The following TBC1D22A variants were observed in gnomAD, a reference collection of about 807,000 sequenced individuals.
TBC1D22A encodes putative GTPase activator.
In TBC1D22A, 38 loss-of-function variants were observed where a neutral mutation model predicts 60.2. The ratio of observed to expected loss-of-function variants is 0.63; its 90% confidence interval spans 0.49 to 0.83. The LOEUF is 0.83. Ranked by LOEUF, TBC1D22A falls within the 40% of genes least tolerant of loss-of-function variation. TBC1D22A has a pLI of 0.00. For missense variants in TBC1D22A, 628 were observed against 701.0 expected (o/e 0.90, Z 1.18); for synonymous variants, 302 against 281.7 (o/e 1.07, Z -0.72).
intron 10 of TBC1D22A, among the ~76,000 whole-genome samples, chr22:47,031,632 T>C (rs1422796029): frequency 6.6e-6 from 1 of 151,614 alleles, no homozygotes; most frequent in Non-Finnish European, 1.5e-5. Flanking sequence ...TGTGGGGTCG[T>C]TTCAAGGGGA....
chr22:47,067,754 G>A (rs1005953905), intron 11 of TBC1D22A, among the ~76,000 whole-genome samples: 3 of 152,244 alleles, frequency 2.0e-5, no homozygotes, highest in African/African-American at 4.8e-5. Context: ...AAGACCACGA[G>A]TGTGCGTGCA....
At chr22:47,031,283 G>C (rs968937513) in intron 10 of TBC1D22A, among the ~76,000 whole-genome samples, 4 of 152,216 alleles carry the variant, frequency 2.6e-5, no homozygotes, top group Non-Finnish European at 4.4e-5. Context: ...CTTGGAGCCC[G>C]AAGGCTGGAT....
intron 4 of TBC1D22A, among the ~76,000 whole-genome samples, chr22:46,839,636 AAAG>A (rs1376292015): frequency 6.6e-6 from 1 of 152,218 alleles, no homozygotes; most frequent in Non-Finnish European, 1.5e-5. Context: ...CCAAATAGCC[AAAG>A]TAGTCTTGAG....
chr22:47,026,742 G>C (rs1275854178), intron 10 of TBC1D22A, among the ~76,000 whole-genome samples: 1 of 152,196 alleles, frequency 6.6e-6, no homozygotes, highest in East Asian at 1.9e-4. Flanking sequence ...AAACAATGCT[G>C]AGAGAAATGA....
At chr22:46,847,605 G>A (rs2087063048) in intron 4 of TBC1D22A, among the ~76,000 whole-genome samples, 1 of 152,176 alleles carries the variant, frequency 6.6e-6, no homozygotes, top group South Asian at 2.1e-4. Flanking sequence ...GGTGTGTTGG[G>A]TTTTCCTGTT....
intron 4 of TBC1D22A, among the ~76,000 whole-genome samples, chr22:46,874,848 A>G (rs908486096): frequency 6.6e-6 from 1 of 152,190 alleles, no homozygotes; most frequent in East Asian, 1.9e-4. Context: ...TGCTAGGATT[A>G]CAGGCGTGAG....
intron 4 of TBC1D22A, among the ~76,000 whole-genome samples, chr22:46,856,012 C>T (rs2087549309): frequency 6.6e-6 from 1 of 152,164 alleles, no homozygotes; most frequent in African/African-American, 2.4e-5. Flanking sequence ...CCTCCGGAGC[C>T]ACAGAAGGAA....
intron 10 of TBC1D22A, among the ~76,000 whole-genome samples, chr22:47,026,956 T>C (rs866436973): frequency 7.9e-5 from 12 of 152,182 alleles, no homozygotes; most frequent in Middle Eastern, 3.2e-3. Flanking sequence ...TGAACAAAGT[T>C]GAAGGACTTT....
At chr22:46,935,796 C>T (rs1015399308) in intron 8 of TBC1D22A, among the ~76,000 whole-genome samples, 1 of 152,292 alleles carries the variant, frequency 6.6e-6, no homozygotes, top group Middle Eastern at 3.4e-3. Context: ...AACTCTGAAC[C>T]CATGTCTCTG....
At chr22:47,072,649 G>C (rs560695630) in intron 11 of TBC1D22A, among the ~76,000 whole-genome samples, 1 of 152,350 alleles carries the variant, frequency 6.6e-6, no homozygotes, top group African/African-American at 2.4e-5. Context: ...CCCTGTGCAG[G>C]GGGCCTAGCA....
intron 8 of TBC1D22A, among the ~76,000 whole-genome samples, chr22:46,972,800 C>T (rs1196166542): frequency 6.6e-6 from 1 of 152,170 alleles, no homozygotes; most frequent in Admixed American, 6.5e-5. Context: ...TTTACAAAAC[C>T]CAGAACCAAA....
intron 8 of TBC1D22A, among the ~76,000 whole-genome samples, chr22:46,959,008 G>A (rs181098969): frequency 1.6e-4 from 25 of 152,238 alleles, no homozygotes; most frequent in African/African-American, 5.3e-4. Flanking sequence ...AGTATAAAAT[G>A]AAACGGGCAT....
chr22:47,009,644 C>G lies in TBC1D22A; in HGVS notation c.1201+11935C>G, dbSNP rs143265410. On this transcript the variant is annotated intron_variant, in intron 10 of 12. Coordinates refer to ENST00000337137, the MANE Select transcript of TBC1D22A (RefSeq NM_014346.5). The surrounding 1 kb of genome is among the most constrained non-coding windows in gnomAD (Gnocchi z 5.8). ...ATCACCATCATTTCATCACCGTCAT[C>G]ATTACCATCATCACCATCATCATCA... is the stretch of plus-strand genomic sequence containing the variant. Among the ~76,000 whole-genome samples the G allele has an allele frequency of 1.2e-4, 19 of 152,166 alleles. No individual in the cohort carries two copies. The highest frequency in any genetic ancestry group is 2.6e-4 in the Non-Finnish European group (18 of 68,006).
intron 10 of TBC1D22A, among the ~76,000 whole-genome samples, chr22:47,032,894 C>A (rs117645762): frequency 0.02 from 3,066 of 152,336 alleles, 52 homozygotes; most frequent in Admixed American, 0.034. Context: ...TGCCCTGGAA[C>A]GTTCCTTTCA....
chr22:46,839,190 C>G (rs1339633479), intron 4 of TBC1D22A, among the ~76,000 whole-genome samples: 1 of 152,120 alleles, frequency 6.6e-6, no homozygotes, highest in African/African-American at 2.4e-5. Context: ...AGTTGTGTTT[C>G]TATACACTAA....
chr22:47,045,445 T>A (rs144126174), intron 11 of TBC1D22A, among the ~76,000 whole-genome samples: 2 of 152,232 alleles, frequency 1.3e-5, no homozygotes, highest in Non-Finnish European at 2.9e-5. Flanking sequence ...TAATCGATAG[T>A]GGGTGACCAG....
intron 8 of TBC1D22A, among the ~76,000 whole-genome samples, chr22:46,972,651 G>A (rs967013948): frequency 6.6e-6 from 1 of 152,136 alleles, no homozygotes; most frequent in Non-Finnish European, 1.5e-5. Context: ...AGTGGGGAGC[G>A]GCTGCTGAAG....
chr22:46,807,039 GACCGCAGATTCTTCCTGCTCA>G lies in TBC1D22A; in HGVS notation c.637+9432_637+9452del, dbSNP rs1390440490. Among the ~76,000 whole-genome samples, 4 of 152,254 alleles carry G rather than the reference GACCGCAGATTCTTCCTGCTCA, an allele frequency of 2.6e-5. No individual in the cohort carries two copies. The South Asian group carries it at 6.2e-4, about 24-fold the overall frequency. Reference sequence around the variant, plus strand: ...TTATAAGAGGATTGGCAGGTTCTGTGACCGCAGATTCTTCCTGCTCAACCGCAGATTCTACAGGTGCATCCT... The same window carrying G: ...TTATAAGAGGATTGGCAGGTTCTGTGACCGCAGATTCTACAGGTGCATCCT... On this transcript the variant is annotated intron_variant, in intron 4 of 12. Transcript: ENST00000337137.
chr22:46,913,540 T>C, intron 8 of TBC1D22A: 4 of 1,237,198 alleles, frequency 3.2e-6, no homozygotes, highest in Non-Finnish European at 4.2e-6. Context: ...GAGAGCTGCC[T>C]CGGCTCACTC....
Sources: gnomAD v4.1 joint callset for allele counts (sites outside exome capture counted in the v4.1 genomes callset) on GRCh38, gnomAD v4.1.1 for gene constraint, Gnocchi (gnomAD v3.1) non-coding constraint, MANE v1.5 for transcripts, NCBI Gene and HGNC (gene_info 2026-07-23, HGNC 2026-07-21) for gene names.